BPTF: variants seen among roughly 807,000 people sequenced by gnomAD.
BPTF encodes the protein bromodomain PHD finger transcription factor, also known as nucleosome-remodeling factor subunit BPTF.
In BPTF, 18 loss-of-function variants were observed where a neutral mutation model predicts 292.5. The observed-to-expected ratio is 0.06, with a 90% confidence interval of 0.04 to 0.09. BPTF has a LOEUF of 0.09. Ranked by LOEUF, BPTF falls within the 10% of genes least tolerant of loss-of-function variation. The pLI is 1.00. For synonymous variants in BPTF, 1,225 were observed against 1,251.9 expected (o/e 0.98, Z 0.45); for missense variants, 2,726 against 3,498.7 (o/e 0.78, Z 5.57).
chr17:67,978,126 T>C (rs1555694985), intron 27 of BPTF, among the ~76,000 whole-genome samples: 1 of 151,398 alleles, frequency 6.6e-6, no homozygotes, highest in African/African-American at 2.4e-5. Flanking sequence ...AGTGCTGGGA[T>C]TACGGGCGTG....
intron 4 of BPTF, among the ~76,000 whole-genome samples, chr17:67,885,819 T>C (rs183552452): frequency 6.6e-6 from 1 of 152,302 alleles, no homozygotes; most frequent in Admixed American, 6.5e-5. Context: ...TATCACTTGG[T>C]TATTCTCCAG....
At chr17:67,891,781 A>T in intron 4 of BPTF, 63 bp from the exon 5 acceptor site, 1 of 1,328,168 alleles carries the variant, frequency 7.5e-7, no homozygotes, top group Non-Finnish European at 1.0e-6. Flanking sequence ...TTTTGGTGAA[A>T]TAAGGTGGTT....
At chr17:67,902,816 A>G (rs147167652) in intron 7 of BPTF, among the ~76,000 whole-genome samples, 1 of 152,300 alleles carries the variant, frequency 6.6e-6, no homozygotes, top group Non-Finnish European at 1.5e-5. Context: ...AAAGGTCTCT[A>G]TTCTTTCTGC....
intron 1 of BPTF, among the ~76,000 whole-genome samples, chr17:67,849,750 C>T (rs1272836213): frequency 6.6e-6 from 1 of 151,738 alleles, no homozygotes; most frequent in Non-Finnish European, 1.5e-5. Context: ...CCAGCCTGGC[C>T]AACATGGGGA....
At chr17:67,976,483 A>G (rs1318251271) in intron 27 of BPTF, among the ~76,000 whole-genome samples, 5 of 152,118 alleles carry the variant, frequency 3.3e-5, no homozygotes, top group South Asian at 4.2e-4. Flanking sequence ...GGTGGGGGGA[A>G]CATCCCAGCC....
Position 67,826,229 on chromosome 17 carries a change from G to A in BPTF, c.505G>A (p.Asp169Asn). Residue 169 changes from aspartate (D) to asparagine (N), a missense_variant, in exon 1 of 28, where the codon GAC becomes AAC. Physicochemically the swap from Asp to Asn is conservative, Grantham distance 23 (BLOSUM62 1). This residue lies in a region of BPTF where 153 missense variants were observed against 178.3 expected (regional missense o/e 0.86). Coordinates refer to ENST00000306378, the MANE Select transcript of BPTF (RefSeq NM_182641.4). ...CGACGAGGAGGATGAGATGGAAGAG[G>A]ACGACGATGACTCCGATTATCCGGA... ...EDDEEDEMEE[D>N]DDDSDYPEEM... The A allele has an allele frequency of 6.2e-7, 1 of 1,613,880 alleles. No individual in the cohort carries two copies. Among genetic ancestry groups the A allele is most frequent in the African/African-American group, 1.3e-5 (1 of 75,036 alleles).
At chr17:67,925,364 C>A (rs1237665164) in intron 15 of BPTF, among the ~76,000 whole-genome samples, 1 of 152,056 alleles carries the variant, frequency 6.6e-6, no homozygotes. Flanking sequence ...TGTTTTCATA[C>A]TATAAATAAT....
Position 67,911,948 on chromosome 17 carries a change from A to G in BPTF, c.4064A>G (p.Glu1355Gly). The part of the protein sequence containing the change: ...CEDRLPVKGT[E>G]ANGKKPSQQK... ...GACAGGCTGCCGGTCAAGGGGACTG[A>G]AGCAAATGGTAAAAAACCAAGTCAG... Residue 1355 changes from glutamate to glycine, a missense_variant, in exon 11 of 28, where the codon GAA becomes GGA. By Grantham distance (98) the Glu-to-Gly change is moderately conservative (BLOSUM62 -2). Transcript: ENST00000306378. 6.2e-7 allele frequency: 1 copy of G among 1,614,184 alleles called. No homozygotes were observed. The highest frequency in any genetic ancestry group is 8.5e-7 in the Non-Finnish European group (1 of 1,180,036).
In BPTF at chr17:67,911,151, G is replaced by T; in HGVS notation, c.3267G>T (p.Lys1089Asn). The T allele has an allele frequency of 6.2e-7, 1 of 1,613,960 alleles. No homozygotes were observed. Among genetic ancestry groups the T allele is most frequent in the Non-Finnish European group, 8.5e-7 (1 of 1,179,986 alleles). The change falls in exon 11 of 28, where the codon AAG (lysine) becomes AAT (asparagine). Residue 1089 changes from lysine to asparagine, a missense_variant. Physicochemically the swap from Lys to Asn is moderately conservative, Grantham distance 94. Transcript: ENST00000306378. Reference sequence around the variant, plus strand: ...AAATCAAGTTGGAGGGTGGAATTAAGGGTATAGGAAAGACTTCTACAAATT... The same window carrying T: ...AAATCAAGTTGGAGGGTGGAATTAATGGTATAGGAAAGACTTCTACAAATT... ...LEKIKLEGGI[K>N]GIGKTSTNSS...
At chr17:67,871,874 G>T (rs1390377644) in intron 3 of BPTF, among the ~76,000 whole-genome samples, 1 of 152,108 alleles carries the variant, frequency 6.6e-6, no homozygotes, top group Non-Finnish European at 1.5e-5. Flanking sequence ...CACCCAGGCT[G>T]GAGTGCAGTG....
chr17:67,984,091 AAAT>A lies in BPTF; in HGVS notation c.*1804_*1806del, dbSNP rs2070668046. On this transcript the variant is annotated 3_prime_UTR_variant, in exon 28 of 28. Transcript: ENST00000306378. The stretch of plus-strand genomic sequence containing the variant: ...TATTTTGTCCTTTTACTTTTTTAAA[AAAT>A]GTTACATATTGTATGCACTGTGCTG... 6.6e-6 allele frequency: 1 copy of A among 152,640 alleles called. No individual in the cohort carries two copies. The highest frequency in any genetic ancestry group is 1.5e-5 in the Non-Finnish European group (1 of 68,036). 9.5% of individuals were successfully genotyped at this position (152,640 alleles called of 1,614,324 possible). A position where few individuals can be genotyped will look rare whatever the true frequency, so the allele number is the denominator to read the frequency against.
Position 67,874,825 on chromosome 17 carries a change from T to G in BPTF, c.1669T>G (p.Leu557Val). Residue 557 changes from leucine (L) to valine (V), a missense_variant, in exon 4 of 28, where the codon TTG (leucine) becomes GTG (valine). By Grantham distance (32) the Leu-to-Val change is conservative (BLOSUM62 1). This residue lies in a region of BPTF where 187 missense variants were observed against 201.5 expected (regional missense o/e 0.93). Transcript: ENST00000306378. ...TGTTTTACACATTATAGAAGAAATT[T>G]TGGAATCCATAAGAGCCAAAAAGGG... ...SFLAAANEEI[L>V]ESIRAKKGDI... 1 of 1,605,132 alleles carries G rather than the reference T, an allele frequency of 6.2e-7. No individual in the cohort carries two copies. The highest frequency in any genetic ancestry group is 8.5e-7 in the Non-Finnish European group (1 of 1,177,468).
Position 67,924,540 on chromosome 17 carries a change from C to T in BPTF, c.5709-7C>T. Reference sequence around the variant, plus strand: ...TTTCTGATAAGTTTCTCCTTTTTTTCCTGCAGAGTGGAGAAAGAAAAGGCA... The same window carrying T: ...TTTCTGATAAGTTTCTCCTTTTTTTTCTGCAGAGTGGAGAAAGAAAAGGCA... On this transcript the variant is annotated splice_region_variant and splice_polypyrimidine_tract_variant and intron_variant, in intron 14 of 27. Transcript: ENST00000306378. The T allele has an allele frequency of 5.6e-6, 9 of 1,610,982 alleles. No homozygotes were observed. The highest frequency in any genetic ancestry group is 6.8e-6 in the Non-Finnish European group (8 of 1,179,258).
Position 67,889,636 on chromosome 17 carries a change from C to T in BPTF, c.1865-2208C>T, listed in dbSNP as rs573017500. ...CAGCCTGACCAACATGGTGAAACCC[C>T]GTCTCTACTAAAAATACAAAAATTA... is the stretch of plus-strand genomic sequence containing the variant. On this transcript the variant is annotated intron_variant, in intron 4 of 27. Coordinates refer to ENST00000306378, the MANE Select transcript of BPTF (RefSeq NM_182641.4). Among the ~76,000 whole-genome samples the T allele has an allele frequency of 1.4e-4, 22 of 151,980 alleles. No homozygotes were observed. In the South Asian group the frequency reaches 4.2e-3, roughly 29 times the overall value.
At chr17:67,939,898 A>G (rs1025957687) in intron 18 of BPTF, among the ~76,000 whole-genome samples, 1 of 152,216 alleles carries the variant, frequency 6.6e-6, no homozygotes, top group Admixed American at 6.5e-5. Context: ...GAAAAGCATT[A>G]TTTGAGCACT....
chr17:67,852,820 C>T (rs1273114967), intron 1 of BPTF, among the ~76,000 whole-genome samples: 1 of 152,180 alleles, frequency 6.6e-6, no homozygotes, highest in East Asian at 1.9e-4. Context: ...AAAAATCCAA[C>T]CAATTTATAC....
intron 4 of BPTF, among the ~76,000 whole-genome samples, chr17:67,885,503 T>C (rs2060693642): frequency 6.6e-6 from 1 of 152,068 alleles, no homozygotes. Flanking sequence ...GGCGGGAGAA[T>C]CTCTTGAACC....
At chr17:67,855,446 T>C (rs2058634218) in intron 2 of BPTF, among the ~76,000 whole-genome samples, 1 of 152,210 alleles carries the variant, frequency 6.6e-6, no homozygotes, top group Admixed American at 6.5e-5. Flanking sequence ...TTTTACCATA[T>C]CTGTATGTAA....
rs1192692025 is a variant in BPTF, at chr17:67,946,148, T to A, written c.7440T>A (p.Ala2480=). 3 of 1,614,216 alleles carry A rather than the reference T, an allele frequency of 1.9e-6. No homozygotes were observed. The highest frequency in any genetic ancestry group is 2.5e-6 in the Non-Finnish European group (3 of 1,180,044). Residue 2480 remains alanine, a synonymous_variant, in exon 21 of 28, where the codon GCT becomes GCA. Transcript: ENST00000306378. ...QLPIQIQQSS[A]VQTHQIQNVV... ...CTATCCAAATTCAGCAAAGCAGTGC[T>A]GTGCAGACTCACCAGATTCAGAATG... is the stretch of plus-strand genomic sequence containing the variant.
Sources: allele counts gnomAD v4.1 joint callset (sites outside exome capture counted in the v4.1 genomes callset), GRCh38; gene constraint gnomAD v4.1.1; regional missense constraint gnomAD v4.1.1; transcripts MANE v1.5; gene names NCBI Gene and HGNC (gene_info 2026-07-23, HGNC 2026-07-21).